Variants in EPHA6 observed in about 807,000 individuals in gnomAD.
EPHA6 encodes the protein EPH receptor A6, also known as ephrin type-A receptor 6.
EPHA6 carries 50 observed loss-of-function variants against 112.0 expected under a neutral mutation model. The observed-to-expected ratio is 0.45, with a 90% CI of 0.36 to 0.56. The LOEUF (loss-of-function observed/expected upper bound fraction) is 0.56, where lower values mean the gene tolerates loss of function less well. Ranked by LOEUF, EPHA6 falls within the 20% of genes least tolerant of loss-of-function variation. The pLI is 0.00. For synonymous variants in EPHA6, 529 were observed against 490.7 expected (o/e 1.08, Z -1.03); for missense variants, 1,280 against 1,417.4 (o/e 0.90, Z 1.56).
intron 6 of EPHA6, among the ~76,000 whole-genome samples, chr3:97,425,750 G>A (rs929811549): frequency 6.6e-6 from 1 of 152,108 alleles, no homozygotes; most frequent in Non-Finnish European, 1.5e-5. Flanking sequence ...GCATTGTCAG[G>A]CTGCAAATTT....
chr3:97,572,623 T>C (rs575983185), intron 11 of EPHA6: 3 of 152,158 alleles, frequency 2.0e-5, no homozygotes, highest in Non-Finnish European at 2.9e-5. Context: ...CTTCTGATTC[T>C]TAGATTTTAA....
At chr3:97,742,047 G>A (rs569796435) in intron 16 of EPHA6, among the ~76,000 whole-genome samples, 3 of 152,118 alleles carry the variant, frequency 2.0e-5, no homozygotes, top group Non-Finnish European at 2.9e-5. Flanking sequence ...AGAGAAATGA[G>A]GAAAATATGG....
At chr3:96,836,339 T>C (rs1576098522) in intron 1 of EPHA6, among the ~76,000 whole-genome samples, 2 of 152,218 alleles carry the variant, frequency 1.3e-5, no homozygotes, top group East Asian at 3.9e-4. Context: ...ATTAACTAGG[T>C]TGGCTAACAC....
At chr3:97,391,937 A>T (rs2086421693) in intron 5 of EPHA6, among the ~76,000 whole-genome samples, 1 of 151,708 alleles carries the variant, frequency 6.6e-6, no homozygotes, top group Non-Finnish European at 1.5e-5. Context: ...ACAGAAAAAT[A>T]TTTTTTTCTT....
At chr3:97,559,792 C>A in intron 11 of EPHA6, 1 of 332,188 alleles carries the variant, frequency 3.0e-6, no homozygotes, top group Non-Finnish European at 5.8e-6. Context: ...CAGCCAACAG[C>A]CCTTAGTCAG....
chr3:97,666,581 G>A (rs1373889536), intron 14 of EPHA6, among the ~76,000 whole-genome samples: 1 of 152,080 alleles, frequency 6.6e-6, no homozygotes, highest in African/African-American at 2.4e-5. Flanking sequence ...ATTCTCCTGT[G>A]TGCATGTCTC....
intron 2 of EPHA6, among the ~76,000 whole-genome samples, chr3:96,925,442 A>G (rs1021787664): frequency 6.6e-6 from 1 of 152,032 alleles, no homozygotes; most frequent in African/African-American, 2.4e-5. Flanking sequence ...AGAGATGTTT[A>G]TAGTATTTTC....
At chr3:96,995,235 C>G (rs975609373) in intron 3 of EPHA6, among the ~76,000 whole-genome samples, 11 of 151,778 alleles carry the variant, frequency 7.2e-5, no homozygotes, top group Non-Finnish European at 1.6e-4. Flanking sequence ...ACTGTGCAAG[C>G]AGAGAGCATA....
intron 1 of EPHA6, among the ~76,000 whole-genome samples, chr3:96,828,552 G>A (rs1039674582): frequency 6.6e-6 from 1 of 152,088 alleles, no homozygotes; most frequent in Non-Finnish European, 1.5e-5. Flanking sequence ...TTGTTTTTAT[G>A]AGTGCTTAGG....
chr3:97,692,458 C>G (rs765557115), intron 14 of EPHA6, among the ~76,000 whole-genome samples: 1 of 152,078 alleles, frequency 6.6e-6, no homozygotes, highest in South Asian at 2.1e-4. Flanking sequence ...CTGACTCAGG[C>G]CTTTTTATGG....
chr3:97,338,094 G>C (rs983242053), intron 5 of EPHA6, among the ~76,000 whole-genome samples: 1 of 149,992 alleles, frequency 6.7e-6, no homozygotes. Flanking sequence ...GTGTGTGTGC[G>C]TGTGTGTGTG....
At chr3:97,276,118 A>G (rs1017606413) in intron 5 of EPHA6, among the ~76,000 whole-genome samples, 3 of 152,048 alleles carry the variant, frequency 2.0e-5, no homozygotes, top group Non-Finnish European at 2.9e-5. Flanking sequence ...AGAAGGTAAT[A>G]TGGAATTAGT....
At chr3:97,174,870 A>G (rs1330491206) in intron 3 of EPHA6, among the ~76,000 whole-genome samples, 1 of 151,598 alleles carries the variant, frequency 6.6e-6, no homozygotes, top group East Asian at 1.9e-4. Context: ...TGTTGATTGT[A>G]TCTTTGCCGT....
At chr3:97,219,056 G>A (rs1034184215) in intron 3 of EPHA6, among the ~76,000 whole-genome samples, 5 of 152,136 alleles carry the variant, frequency 3.3e-5, no homozygotes, top group African/African-American at 1.2e-4. Flanking sequence ...AGGTCACCCT[G>A]ATGCAAGAGG....
At chr3:97,019,871 G>A (rs1315307302) in intron 3 of EPHA6, among the ~76,000 whole-genome samples, 1 of 152,074 alleles carries the variant, frequency 6.6e-6, no homozygotes, top group African/African-American at 2.4e-5. Context: ...TTTACTGTGT[G>A]TAGTATTTGT....
At chr3:96,887,464 A>G (rs1301593598) in intron 2 of EPHA6, among the ~76,000 whole-genome samples, 9 of 152,112 alleles carry the variant, frequency 5.9e-5, no homozygotes, top group Admixed American at 5.9e-4. Flanking sequence ...AGCTGTGAAT[A>G]CCAGTGCCTG....
chr3:97,662,908 G>C (rs1243959002), intron 14 of EPHA6, among the ~76,000 whole-genome samples: 1 of 152,126 alleles, frequency 6.6e-6, no homozygotes, highest in African/African-American at 2.4e-5. Flanking sequence ...CAGCACTCAG[G>C]GCCTTGTCGA....
intron 14 of EPHA6, among the ~76,000 whole-genome samples, chr3:97,687,611 A>G (rs532627880): frequency 1.3e-5 from 2 of 152,312 alleles, no homozygotes; most frequent in East Asian, 1.9e-4. Flanking sequence ...ACAACTTTCC[A>G]CATAGTTTCT....
chr3:97,575,436 T>C (rs780239982), intron 11 of EPHA6, among the ~76,000 whole-genome samples: 13 of 152,172 alleles, frequency 8.5e-5, no homozygotes, highest in Non-Finnish European at 1.5e-4. Flanking sequence ...GTGCAGTATA[T>C]AGAGAGTAAT....
Sources: gnomAD v4.1 joint callset for allele counts (sites outside exome capture counted in the v4.1 genomes callset) on GRCh38, gnomAD v4.1.1 for gene constraint, MANE v1.5 for transcripts, NCBI Gene and HGNC (gene_info 2026-07-23, HGNC 2026-07-21) for gene names.